Variants in PIP5K1C observed in about 807,000 individuals in gnomAD.
PIP5K1C encodes phosphatidylinositol-4-phosphate 5-kinase type 1 gamma, also known as phosphatidylinositol 4-phosphate 5-kinase type-1 gamma.
In PIP5K1C, 45 loss-of-function variants were observed where a neutral mutation model predicts 80.1. That is an observed-to-expected ratio of 0.56 (90% confidence interval 0.44 to 0.72). PIP5K1C has a LOEUF of 0.72. PIP5K1C is among the 30% of genes least tolerant of loss of function. PIP5K1C has a pLI of 0.00. For synonymous variants in PIP5K1C, 498 were observed against 420.1 expected (o/e 1.19, Z -2.27); for missense variants, 753 against 954.6 (o/e 0.79, Z 2.78).
intron 1 of PIP5K1C, among the ~76,000 whole-genome samples, chr19:3,668,683 G>T (rs2035101664): frequency 6.6e-6 from 1 of 152,330 alleles, no homozygotes; most frequent in Admixed American, 6.5e-5. Context: ...GCCTGGGGAA[G>T]ACCTGGTCTC....
chr19:3,654,038 G>A (rs2034540531), intron 6 of PIP5K1C, among the ~76,000 whole-genome samples: 1 of 152,224 alleles, frequency 6.6e-6, no homozygotes, highest in African/African-American at 2.4e-5. Context: ...GTCTCGCTCT[G>A]TCGCCCAGGC....
At chr19:3,697,363 G>A (rs188043103) in intron 1 of PIP5K1C, among the ~76,000 whole-genome samples, 4 of 149,284 alleles carry the variant, frequency 2.7e-5, no homozygotes, top group East Asian at 2.0e-4. Flanking sequence ...GAGCCAGACA[G>A]AGGAGGACTG....
intron 10 of PIP5K1C, among the ~76,000 whole-genome samples, chr19:3,646,345 G>A (rs1256650056): frequency 6.6e-6 from 1 of 152,208 alleles, no homozygotes; most frequent in Non-Finnish European, 1.5e-5. Flanking sequence ...TTCCGGCCAG[G>A]CACAGTGGCC....
intron 8 of PIP5K1C, 69 bp downstream of exon 8, chr19:3,651,757 C>T (rs935331242): frequency 2.9e-5 from 42 of 1,460,978 alleles, no homozygotes; most frequent in African/African-American, 1.1e-4. Context: ...ACACTTGGGA[C>T]GGGGATGGGG....
At chr19:3,664,711 C>G in intron 3 of PIP5K1C, 111 bp downstream of exon 3, 2 of 932,062 alleles carry the variant, frequency 2.1e-6, no homozygotes, top group Admixed American at 3.4e-5. Context: ...TGTCCCTGGG[C>G]AGACCCTGGT....
chr19:3,646,907 G>T (rs1208729066), intron 10 of PIP5K1C, among the ~76,000 whole-genome samples: 1 of 151,968 alleles, frequency 6.6e-6, no homozygotes, highest in Non-Finnish European at 1.5e-5. Context: ...GAGGACAGAG[G>T]GAGGAAGGAT....
At position 3,653,444 on chromosome 19, in the gene PIP5K1C, C is replaced by A; in HGVS notation, c.767G>T (p.Gly256Val). 6.2e-7 allele frequency: 1 copy of A among 1,613,710 alleles called. No homozygotes were observed. Among genetic ancestry groups the A allele is most frequent in the Non-Finnish European group, 8.5e-7 (1 of 1,180,026 alleles). The change falls in exon 7 of 18, where the codon GGC (glycine) becomes GTC (valine). Residue 256 changes from glycine (G) to valine (V), a missense_variant. Gly to Val is a moderately radical substitution (Grantham distance 109, BLOSUM62 -3). This residue lies in a region of PIP5K1C where 105 missense variants were observed against 133.4 expected (regional missense o/e 0.79). Coordinates refer to ENST00000335312, the MANE Select transcript of PIP5K1C (RefSeq NM_012398.3). Reference sequence around the variant, plus strand: ...GCTGGCGCGCCGCTTGTAGGTGGAGCCCTTGAGGTCGAACTTGAGGTGCAT... The same window carrying A: ...GCTGGCGCGCCGCTTGTAGGTGGAGACCTTGAGGTCGAACTTGAGGTGCAT... ...VKMHLKFDLKGSTYKRRASKK... is the reference protein window; with the variant it reads ...VKMHLKFDLKVSTYKRRASKK...
intron 1 of PIP5K1C, among the ~76,000 whole-genome samples, chr19:3,695,992 A>G (rs935240544): frequency 6.6e-6 from 1 of 152,028 alleles, no homozygotes; most frequent in Non-Finnish European, 1.5e-5. Context: ...CAGCCTCCCA[A>G]AATGCTGGGA....
Position 3,700,331 on chromosome 19 carries a change from CT to C in PIP5K1C, c.59del (p.Glu20GlyfsTer27). The C allele has an allele frequency of 7.7e-7, 1 of 1,297,938 alleles. No individual in the cohort carries two copies. The allele number at this position is 1,297,938 out of a possible 1,614,324, so 80.4% of individuals were successfully genotyped here. A position where few individuals can be genotyped will look rare whatever the true frequency, so the allele number is the denominator to read the frequency against. The part of the protein sequence containing the change: ...ESAEAGAVPS[E>X]AAWAAESGAA... ...CCCCGCTCTCTGCCGCCCACGCCGC[CT>C]CCGAGGGCACGGCCCCCGCCTCAGC... On this transcript the variant is annotated frameshift_variant, in exon 1 of 18. Transcript: ENST00000335312. LOFTEE classifies it high-confidence loss of function.
chr19:3,642,847 G>A (rs1158017991), intron 14 of PIP5K1C, 60 bp downstream of exon 14: 4 of 1,402,594 alleles, frequency 2.9e-6, no homozygotes, highest in Non-Finnish European at 4.0e-6. Flanking sequence ...GGGAAACGGA[G>A]CTGGGAGCTG....
chr19:3,700,054 C>A (rs1226082344), intron 1 of PIP5K1C, among the ~76,000 whole-genome samples: 1 of 152,180 alleles, frequency 6.6e-6, no homozygotes, highest in Non-Finnish European at 1.5e-5. Context: ...CCCAGCGGCG[C>A]CCACGCCGAG....
At chr19:3,650,254 TG>T (rs2034387810) in intron 8 of PIP5K1C, among the ~76,000 whole-genome samples, 2 of 152,228 alleles carry the variant, frequency 1.3e-5, no homozygotes, top group Admixed American at 1.3e-4. Flanking sequence ...GTGGCTGCAC[TG>T]GGGAAGGCTG....
At chr19:3,699,473 G>A (rs2036229432) in intron 1 of PIP5K1C, among the ~76,000 whole-genome samples, 2 of 152,208 alleles carry the variant, frequency 1.3e-5, no homozygotes, top group South Asian at 2.1e-4. Flanking sequence ...GGGGGAGAAG[G>A]AGGACGGATG....
intron 1 of PIP5K1C, among the ~76,000 whole-genome samples, chr19:3,668,730 A>G (rs1340087632): frequency 1.3e-5 from 2 of 152,062 alleles, no homozygotes; most frequent in African/African-American, 4.8e-5. Flanking sequence ...GGGTGGGCGC[A>G]GGGCTGGGTG....
chr19:3,635,608 C>G (rs1300681117), intron 16 of PIP5K1C, among the ~76,000 whole-genome samples: 1 of 151,946 alleles, frequency 6.6e-6, no homozygotes, highest in East Asian at 1.9e-4. Flanking sequence ...TCGCTTGAAC[C>G]CAGGCCAGAG....
At chr19:3,643,112 G>T in intron 13 of PIP5K1C, 131 bp downstream of exon 13, 1 of 1,493,764 alleles carries the variant, frequency 6.7e-7, no homozygotes, top group South Asian at 1.1e-5. Context: ...CACATGCAGT[G>T]TATGTACATC....
At chr19:3,647,208 G>A (rs1419368052) in intron 10 of PIP5K1C, 130 bp downstream of exon 10, 3 of 780,784 alleles carry the variant, frequency 3.8e-6, no homozygotes, top group African/African-American at 3.9e-5. Flanking sequence ...ACAGGAGGAG[G>A]AGGGATGGGA....
At position 3,648,269 on chromosome 19, in the gene PIP5K1C, C is replaced by T. The variant is rs926502040; in HGVS notation, c.1211+356G>A. 3.3e-5 allele frequency among the ~76,000 whole-genome samples: 5 copies of T among 151,988 alleles called. No homozygotes were observed. The highest frequency in any genetic ancestry group is 6.6e-5 in the Admixed American group (1 of 15,266). ...AACTCCTGGGCTCAAGCAATCCTCC[C>T]GCCTCGGCCTCCCACAGTGCTAGAT... On this transcript the variant is annotated intron_variant, in intron 9 of 17. Coordinates refer to ENST00000335312, the MANE Select transcript of PIP5K1C (RefSeq NM_012398.3). This position sits in a 1 kb window ranked among gnomAD's most constrained non-coding sequence, Gnocchi z 4.3.
In PIP5K1C at chr19:3,630,976, T is replaced by G. The variant is rs1263693100; in HGVS notation, c.*2191A>C. 6.6e-6 allele frequency: 1 copy of G among 152,268 alleles called. No homozygotes were observed. Among genetic ancestry groups the G allele is most frequent in the Non-Finnish European group, 1.5e-5 (1 of 68,080 alleles). 9.4% of individuals were successfully genotyped at this position (152,268 alleles called of 1,614,324 possible). On this transcript the variant is annotated 3_prime_UTR_variant, in exon 18 of 18. Coordinates refer to ENST00000335312, the MANE Select transcript of PIP5K1C (RefSeq NM_012398.3). ...GCACAGTCAGTGGAGCACGTCAGCCTCGGTTTACAGTTCTCTGAAAAGGAA... is the reference window on the plus strand; with the variant it reads ...GCACAGTCAGTGGAGCACGTCAGCCGCGGTTTACAGTTCTCTGAAAAGGAA...
Sources: gnomAD v4.1 joint callset for allele counts (sites outside exome capture counted in the v4.1 genomes callset) on GRCh38, gnomAD v4.1.1 for gene constraint, gnomAD v4.1.1 regional missense constraint, Gnocchi (gnomAD v3.1) non-coding constraint, MANE v1.5 for transcripts, NCBI Gene and HGNC (gene_info 2026-07-23, HGNC 2026-07-21) for gene names.